Variants in WDR7 observed in about 807,000 individuals in gnomAD.
WDR7 encodes the protein WD repeat domain 7, also known as WD repeat-containing protein 7.
In WDR7, 46 loss-of-function variants were observed where a neutral mutation model predicts 169.4. That is an observed-to-expected ratio of 0.27 (90% CI 0.21 to 0.35). The LOEUF (loss-of-function observed/expected upper bound fraction) is 0.35, where lower values mean the gene tolerates loss of function less well. Ranked by LOEUF, WDR7 falls within the 10% of genes least tolerant of loss-of-function variation. The pLI is 1.00. For synonymous variants in WDR7, 612 were observed against 666.8 expected (o/e 0.92, Z 1.27); for missense variants, 1,534 against 1,859.3 (o/e 0.83, Z 3.22).
In WDR7 at chr18:56,694,653, A is replaced by G. The variant is rs368703479; in HGVS notation, c.1001A>G (p.Tyr334Cys). The part of the protein sequence containing the change: ...LICPPVTRFF[Y>C]GCREYFHKLL... Reference sequence around the variant, plus strand: ...TGTCCTCCTGTTACTCGGTTCTTCTATGGATGCAGAGAATATTTCCATAAA... The same window carrying G: ...TGTCCTCCTGTTACTCGGTTCTTCTGTGGATGCAGAGAATATTTCCATAAA... The change falls in exon 10 of 28, where the codon TAT becomes TGT. Residue 334 changes from tyrosine (Y) to cysteine (C), a missense_variant. By Grantham distance (194) the Tyr-to-Cys change is radical. Coordinates refer to ENST00000254442, the MANE Select transcript of WDR7 (RefSeq NM_015285.3). 25 of 1,612,310 alleles carry G rather than the reference A, an allele frequency of 1.6e-5. No individual in the cohort carries two copies. In the Middle Eastern group the frequency reaches 4.9e-4, roughly 32 times the overall value.
intron 12 of WDR7, 111 bp downstream of exon 12, chr18:56,696,573 T>A: frequency 1.1e-6 from 1 of 947,230 alleles, no homozygotes; most frequent in Non-Finnish European, 1.5e-6. Flanking sequence ...ACAAGATAAT[T>A]AAGAAAACCC....
intron 25 of WDR7, 52 bp downstream of exon 25, chr18:56,939,445 A>T: frequency 7.1e-7 from 1 of 1,412,996 alleles, no homozygotes; most frequent in Non-Finnish European, 9.5e-7. Flanking sequence ...GTAACAAATA[A>T]TTTTAAAAAT....
chr18:56,843,870 T>G (rs2145337424), intron 20 of WDR7, among the ~76,000 whole-genome samples: 1 of 151,028 alleles, frequency 6.6e-6, no homozygotes, highest in African/African-American at 2.4e-5. Flanking sequence ...TTTTTTTTTT[T>G]TTTGTTTTTT....
chr18:56,907,542 T>A (rs914175380), intron 21 of WDR7, among the ~76,000 whole-genome samples: 1 of 152,212 alleles, frequency 6.6e-6, no homozygotes, highest in East Asian at 1.9e-4. Context: ...TTCTAGCTCT[T>A]GGCTTTTGTA....
chr18:57,035,575 C>G, the WDR7 span: 1 of 152,224 alleles, frequency 6.6e-6, no homozygotes, highest in East Asian at 1.9e-4. Flanking sequence ...AGGCTGGGGA[C>G]ATTCATTCCA....
At chr18:56,672,752 T>C in intron 2 of WDR7, 78 bp downstream of exon 2, 1 of 1,311,608 alleles carries the variant, frequency 7.6e-7, no homozygotes, top group Non-Finnish European at 1.0e-6. Context: ...CCCCAAATGA[T>C]GCTTTTGGGC....
At chr18:56,765,814 C>CTATCTATT (rs1443781376) in intron 16 of WDR7, among the ~76,000 whole-genome samples, 15 of 151,836 alleles carry the variant, frequency 9.9e-5, no homozygotes, top group African/African-American at 3.6e-4. Flanking sequence ...ATCTATCTAT[C>CTATCTATT]TATTTATTTA....
chr18:56,765,238 G>C (rs1207210143), intron 16 of WDR7, among the ~76,000 whole-genome samples: 1 of 151,980 alleles, frequency 6.6e-6, no homozygotes, highest in Non-Finnish European at 1.5e-5. Context: ...TACATTTAAT[G>C]TGATTGTTGA....
intron 24 of WDR7, 60 bp downstream of exon 24, chr18:56,938,742 T>C: frequency 6.3e-7 from 1 of 1,580,206 alleles, no homozygotes; most frequent in Non-Finnish European, 8.6e-7. Flanking sequence ...TCTAATGAAG[T>C]AATATAAATC....
chr18:56,898,261 A>G (rs1039609122), intron 21 of WDR7, among the ~76,000 whole-genome samples: 1 of 152,080 alleles, frequency 6.6e-6, no homozygotes, highest in African/African-American at 2.4e-5. Flanking sequence ...TATTAGAATA[A>G]ATAAATAAAT....
intron 26 of WDR7, among the ~76,000 whole-genome samples, chr18:56,963,642 A>G (rs569710399): frequency 6.8e-4 from 103 of 152,210 alleles, no homozygotes; most frequent in African/African-American, 2.4e-3. Context: ...GCGTGCATCA[A>G]ATATGCACTA....
At chr18:56,763,931 TTA>T (rs2044021654) in intron 16 of WDR7, among the ~76,000 whole-genome samples, 1 of 152,160 alleles carries the variant, frequency 6.6e-6, no homozygotes, top group African/African-American at 2.4e-5. Context: ...TATTCATAAT[TTA>T]TGTTTTTTCC....
intron 12 of WDR7, among the ~76,000 whole-genome samples, chr18:56,703,251 G>A (rs2025871156): frequency 6.6e-6 from 1 of 152,188 alleles, no homozygotes; most frequent in Non-Finnish European, 1.5e-5. Flanking sequence ...GTGACTGTGT[G>A]TATACCAGTG....
intron 26 of WDR7, among the ~76,000 whole-genome samples, chr18:57,006,362 G>C (rs1220689859): frequency 1.3e-5 from 2 of 151,808 alleles, no homozygotes; most frequent in South Asian, 4.2e-4. Context: ...TAGCTTGTCA[G>C]TGGTAGTGCA....
At chr18:56,831,956 T>C (rs890451898) in intron 20 of WDR7, among the ~76,000 whole-genome samples, 26 of 152,082 alleles carry the variant, frequency 1.7e-4, no homozygotes, top group Admixed American at 1.7e-3. Context: ...TTTTCTTTCA[T>C]ACCCCAGTGG....
At chr18:56,985,916 G>C (rs907728970) in intron 26 of WDR7, among the ~76,000 whole-genome samples, 2 of 152,002 alleles carry the variant, frequency 1.3e-5, no homozygotes, top group Admixed American at 1.3e-4. Context: ...TGTTACTATA[G>C]GAAAGGCAAT....
intron 16 of WDR7, among the ~76,000 whole-genome samples, chr18:56,759,460 T>C (rs9945634): frequency 0.014 from 2,093 of 152,280 alleles, 45 homozygotes; most frequent in African/African-American, 0.048. Context: ...CATTAGGAGA[T>C]GGAGGAGAAG....
At chr18:56,760,461 G>C (rs2043964516) in intron 16 of WDR7, among the ~76,000 whole-genome samples, 1 of 152,026 alleles carries the variant, frequency 6.6e-6, no homozygotes, top group South Asian at 2.1e-4. Flanking sequence ...TATATATTTT[G>C]TGCTTGTCTT....
At chr18:56,659,467 C>G (rs148938920) in intron 1 of WDR7, among the ~76,000 whole-genome samples, 86 of 152,200 alleles carry the variant, frequency 5.7e-4, no homozygotes, top group African/African-American at 1.9e-3. Context: ...CAGATCTTTA[C>G]CATCATAGAA....
Sources: gnomAD v4.1 joint callset for allele counts (sites outside exome capture counted in the v4.1 genomes callset) on GRCh38, gnomAD v4.1.1 for gene constraint, MANE v1.5 for transcripts, NCBI Gene and HGNC (gene_info 2026-07-23, HGNC 2026-07-21) for gene names.